THBS4: variants seen among roughly 807,000 people sequenced by gnomAD.
The protein encoded by THBS4 is thrombospondin 4.
In THBS4, 90 loss-of-function variants were observed where a neutral mutation model predicts 115.7. The ratio of observed to expected loss-of-function variants is 0.78; its 90% CI spans 0.66 to 0.93. The LOEUF (loss-of-function observed/expected upper bound fraction) is 0.93. THBS4 is among the 40% of genes least tolerant of loss of function. The pLI, the probability that THBS4 is intolerant of heterozygous loss-of-function variation, is 0.00. For missense variants in THBS4, 1,087 were observed against 1,232.7 expected (o/e 0.88, Z 1.77); for synonymous variants, 460 against 479.3 (o/e 0.96, Z 0.53).
intron 13 of THBS4, 65 bp from the exon 14 acceptor site, chr5:80,072,213 C>G: frequency 6.9e-7 from 1 of 1,450,496 alleles, no homozygotes. Flanking sequence ...TGCGCCTGAT[C>G]TCTCCAGCAC....
At chr5:80,034,802 G>A (rs545532382), upstream of THBS4, among the ~76,000 whole-genome samples, 5 of 152,224 alleles carry the variant, frequency 3.3e-5, no homozygotes, top group East Asian at 9.7e-4. Flanking sequence ...AAAAAATTCA[G>A]CCTTTCAAGT....
At chr5:80,032,951 G>C (rs1032970322), upstream of THBS4, among the ~76,000 whole-genome samples, 1 of 152,138 alleles carries the variant, frequency 6.6e-6, no homozygotes, top group Non-Finnish European at 1.5e-5. Flanking sequence ...ATTTTGCTGG[G>C]AATTTGCTAG....
chr5:80,078,853 T>G, intron 17 of THBS4, 68 bp from the exon 18 acceptor site: 1 of 1,525,258 alleles, frequency 6.6e-7, no homozygotes, highest in Non-Finnish European at 8.9e-7. Context: ...GTGCCTGAGG[T>G]TTTGAGCTTC....
At chr5:80,067,736 C>T (rs563701644) in intron 9 of THBS4, 2 of 458,180 alleles carry the variant, frequency 4.4e-6, no homozygotes, top group Admixed American at 7.4e-5. Flanking sequence ...GTCCAGCCTT[C>T]TTCCTTCACT....
At chr5:80,031,768 C>A (rs1326343131), upstream of THBS4, among the ~76,000 whole-genome samples, 1 of 152,146 alleles carries the variant, frequency 6.6e-6, no homozygotes. Flanking sequence ...ATCCTGTTGG[C>A]CAAGCATGTT....
Position 80,079,891 on chromosome 5 carries a change from G to T in THBS4, c.2512-14G>T. On this transcript the variant is annotated splice_polypyrimidine_tract_variant and intron_variant, in intron 19 of 21. Coordinates refer to ENST00000350881, the MANE Select transcript of THBS4 (RefSeq NM_003248.6). ...TGTGTCCTGTCCTAAAACCTTGCTT[G>T]TGTCATCATGCAGGCTGTGAAGTCT... is the stretch of plus-strand genomic sequence containing the variant. The T allele has an allele frequency of 1.2e-6, 2 of 1,613,370 alleles. No individual in the cohort carries two copies. The highest frequency in any genetic ancestry group is 1.7e-5 in the Admixed American group (1 of 60,010).
At chr5:80,045,265 C>T (rs1415450063) in intron 2 of THBS4, among the ~76,000 whole-genome samples, 1 of 152,116 alleles carries the variant, frequency 6.6e-6, no homozygotes, top group Non-Finnish European at 1.5e-5. Flanking sequence ...CTTCTTTAGT[C>T]TTAGTATGAT....
chr5:80,046,441 A>G (rs1436599290), intron 2 of THBS4, among the ~76,000 whole-genome samples: 2 of 152,258 alleles, frequency 1.3e-5, no homozygotes, highest in Non-Finnish European at 2.9e-5. Flanking sequence ...CCATTTTTAT[A>G]AAGAAGGGAA....
Position 80,041,441 on chromosome 5 carries a change from C to T in THBS4, c.292+1161C>T, listed in dbSNP as rs536754018. Among the ~76,000 whole-genome samples the T allele has an allele frequency of 4.5e-4, 68 of 152,152 alleles. 1 individual carries two copies. The highest frequency in any genetic ancestry group is 3.2e-4 in the Non-Finnish European group (22 of 68,026). ...AACATTCAGCCCATGACAGCCACCC[C>T]ATACTATTCTTATGTTCCCTTTGAA... is the stretch of plus-strand genomic sequence containing the variant. On this transcript the variant is annotated intron_variant, in intron 2 of 21. Coordinates refer to ENST00000350881, the MANE Select transcript of THBS4 (RefSeq NM_003248.6).
intron 15 of THBS4, among the ~76,000 whole-genome samples, chr5:80,075,535 C>T (rs1369741246): frequency 1.3e-5 from 2 of 152,146 alleles, no homozygotes; most frequent in Admixed American, 6.5e-5. Flanking sequence ...CTGACAACTG[C>T]CCTAAATGAT....
In THBS4 at chr5:80,055,870, G is replaced by C. The variant is rs199576579; in HGVS notation, c.378G>C (p.Arg126Ser). Residue 126 changes from arginine (R) to serine (S), a missense_variant, in exon 3 of 22, where the codon AGG becomes AGC. By Grantham distance (110) the Arg-to-Ser change is moderately radical. Around this residue, in one of 3 missense-constraint regions of THBS4, gnomAD observed 979 missense variants for 1,103.7 expected, o/e 0.89. Transcript: ENST00000350881. Reference sequence around the variant, plus strand: ...AGCTGGCAGACGGAAGGCGGCACAGGATCCTCCTGAGGCTGAGCAATTTGC... The same window carrying C: ...AGCTGGCAGACGGAAGGCGGCACAGCATCCTCCTGAGGCTGAGCAATTTGC... ...NLQLADGRRH[R>S]ILLRLSNLQR... 6.8e-6 allele frequency: 11 copies of C among 1,614,204 alleles called. No homozygotes were observed. Among genetic ancestry groups the C allele is most frequent in the Non-Finnish European group, 9.3e-6 (11 of 1,180,032 alleles).
At chr5:79,999,071 A>G (rs1189266109) in intron 2 of THBS4, among the ~76,000 whole-genome samples, 3 of 152,226 alleles carry the variant, frequency 2.0e-5, no homozygotes, top group East Asian at 1.9e-4. Flanking sequence ...AATCCTTAAT[A>G]TAAACTACAA....
upstream of THBS4, among the ~76,000 whole-genome samples, chr5:80,032,935 C>G (rs903883810): frequency 6.6e-6 from 1 of 152,180 alleles, no homozygotes; most frequent in African/African-American, 2.4e-5. Flanking sequence ...TCATGATGTG[C>G]AAGCTATTTT....
At chr5:80,078,005 G>T (rs771092083) in intron 16 of THBS4, 44 bp from the exon 17 acceptor site, 5 of 1,476,936 alleles carry the variant, frequency 3.4e-6, no homozygotes, top group Non-Finnish European at 3.7e-6. Context: ...GTGGCGGTGG[G>T]TGTGAGCGCT....
At chr5:80,003,417 C>G (rs974942024) in intron 2 of THBS4, among the ~76,000 whole-genome samples, 3 of 152,068 alleles carry the variant, frequency 2.0e-5, no homozygotes, top group Non-Finnish European at 2.9e-5. Flanking sequence ...ACCTAGTGAG[C>G]TTTTGGAAGG....
At chr5:80,043,342 G>C (rs546584699) in intron 2 of THBS4, among the ~76,000 whole-genome samples, 1 of 152,192 alleles carries the variant, frequency 6.6e-6, no homozygotes, top group Non-Finnish European at 1.5e-5. Context: ...AGAGCCTGTG[G>C]TTGAGACTCC....
At chr5:80,057,657 C>T (rs1833475058) in intron 3 of THBS4, among the ~76,000 whole-genome samples, 1 of 152,124 alleles carries the variant, frequency 6.6e-6, no homozygotes, top group Admixed American at 6.5e-5. Flanking sequence ...GCAGCATTCA[C>T]AAGATAAAAG....
upstream of THBS4, among the ~76,000 whole-genome samples, chr5:80,031,310 A>T (rs567744987): frequency 1.4e-4 from 22 of 152,290 alleles, no homozygotes; most frequent in South Asian, 4.6e-3. Context: ...GCACCTAGGC[A>T]TTCTTATCAG....
At chr5:80,005,070 T>C (rs1237774094) in intron 2 of THBS4, among the ~76,000 whole-genome samples, 1 of 152,214 alleles carries the variant, frequency 6.6e-6, no homozygotes, top group East Asian at 1.9e-4. Context: ...AAACTAAAAT[T>C]TAGAATAATA....
Sources: allele counts gnomAD v4.1 joint callset (sites outside exome capture counted in the v4.1 genomes callset), GRCh38; gene constraint gnomAD v4.1.1; regional missense constraint gnomAD v4.1.1; transcripts MANE v1.5; gene names NCBI Gene and HGNC (gene_info 2026-07-23, HGNC 2026-07-21).